SLC7A7: variants seen among roughly 807,000 people sequenced by gnomAD.
SLC7A7 encodes the protein Y+L amino acid transporter 1.
SLC7A7 carries 39 observed loss-of-function variants against 47.9 expected under a neutral mutation model. The observed-to-expected ratio is 0.81, with a 90% CI of 0.63 to 1.06. The LOEUF is 1.06. Ranked by LOEUF, SLC7A7 falls within the 50% of genes least tolerant of loss-of-function variation. SLC7A7 has a pLI of 0.00. For synonymous variants in SLC7A7, 234 were observed against 242.8 expected (o/e 0.96, Z 0.34); for missense variants, 588 against 632.0 (o/e 0.93, Z 0.75).
At chr14:22,801,869 C>T (rs920210829) in intron 2 of SLC7A7, among the ~76,000 whole-genome samples, 5 of 152,240 alleles carry the variant, frequency 3.3e-5, no homozygotes, top group African/African-American at 1.2e-4. Flanking sequence ...CACGCACACA[C>T]ATAAAGTGCT....
chr14:22,780,232 A>C lies in SLC7A7; in HGVS notation c.500-181T>G, dbSNP rs1388464825. The C allele has an allele frequency of 4.6e-6, 3 of 649,286 alleles. No individual in the cohort carries two copies. The East Asian group carries it at 8.6e-5, about 19-fold the overall frequency. 40.2% of individuals were successfully genotyped at this position (649,286 alleles called of 1,614,324 possible). A position where few individuals can be genotyped will look rare whatever the true frequency, so the allele number is the denominator to read the frequency against. Reference sequence around the variant, plus strand: ...CAGAATGTCCTCACCATTATCATACAAAGGCCTCTATACTCCCCACCCCCA... The same window carrying C: ...CAGAATGTCCTCACCATTATCATACCAAGGCCTCTATACTCCCCACCCCCA... On this transcript the variant is annotated intron_variant, in intron 2 of 9. Transcript: ENST00000674313.
rs747684532 is a variant in SLC7A7, at chr14:22,795,390, C to CTT, written c.500-15341_500-15340dup. Among the ~76,000 whole-genome samples, 43 of 40,472 alleles carry CTT rather than the reference C, an allele frequency of 1.1e-3. 3 individuals carry two copies. The highest frequency in any genetic ancestry group is 3.8e-3 in the South Asian group (4 of 1,042). The allele number at this position is 40,472 out of a possible 152,430, so 26.6% of individuals were successfully genotyped here. On this transcript the variant is annotated intron_variant, in intron 2 of 9. Transcript: ENST00000674313. Reference sequence around the variant, plus strand: ...AATCTGAGTATTGCTTGCTTGCTTTCTTTCTTTCTTTCTTTCTTTCTTTCT... The same window carrying CTT: ...AATCTGAGTATTGCTTGCTTGCTTTCTTTTTCTTTCTTTCTTTCTTTCTTTCT...
rs1445047286 is a variant in SLC7A7 at position 22,795,404 on chromosome 14, TTCTTTCTTTCTTTC to T, written c.500-15367_500-15354del. Reference sequence around the variant, plus strand: ...TTGCTTGCTTTCTTTCTTTCTTTCTTTCTTTCTTTCTTTCTTTCTTTCTTTCTTTCTTTCTTTCT... The same window carrying T: ...TTGCTTGCTTTCTTTCTTTCTTTCTTTTTCTTTCTTTCTTTCTTTCTTTCT... On this transcript the variant is annotated intron_variant, in intron 2 of 9. Transcript: ENST00000674313. 1.0e-4 allele frequency among the ~76,000 whole-genome samples: 10 copies of T among 96,472 alleles called. 1 individual carries two copies. The highest frequency in any genetic ancestry group is 5.3e-4 in the African/African-American group (10 of 18,838). The allele number at this position is 96,472 out of a possible 152,430, so 63.3% of individuals were successfully genotyped here.
At chr14:22,788,503 G>A (rs959497756) in intron 2 of SLC7A7, among the ~76,000 whole-genome samples, 2 of 151,702 alleles carry the variant, frequency 1.3e-5, no homozygotes, top group Admixed American at 6.6e-5. Context: ...AGGAGTTTGA[G>A]ATCAGCCTGG....
chr14:22,819,401 A>C (rs1388343628), upstream of SLC7A7, among the ~76,000 whole-genome samples: 1 of 136,288 alleles, frequency 7.3e-6, no homozygotes, highest in Admixed American at 7.5e-5. Context: ...TGGCTAAGAC[A>C]GTCTCTTTAA....
chr14:22,813,495 C>T (rs1428500690), intron 1 of SLC7A7, 55 bp from the exon 2 acceptor site: 3 of 1,433,278 alleles, frequency 2.1e-6, no homozygotes, highest in African/African-American at 2.8e-5. Context: ...TACATAGAAC[C>T]TCTACCCGCC....
rs373996131 is a variant in SLC7A7 at position 22,775,966 on chromosome 14, C to T, written c.895-30G>A. 2.9e-5 allele frequency: 45 copies of T among 1,570,922 alleles called. No individual in the cohort carries two copies. The African/African-American group carries it at 5.4e-4, about 19-fold the overall frequency. On this transcript the variant is annotated intron_variant, in intron 5 of 9. Transcript: ENST00000674313. ...GGGAAAAGAATGGAAGAGTCATTAG[C>T]AGGATCTAAAAGGGATGAAAGACAT...
Position 22,776,294 on chromosome 14 carries a change from G to A in SLC7A7, c.795C>T (p.Ile265=), listed in dbSNP as rs777140678. The change falls in exon 5 of 10, where the codon ATC becomes ATT. Residue 265 remains isoleucine (I), a synonymous_variant. Coordinates refer to ENST00000674313, the MANE Select transcript of SLC7A7 (RefSeq NM_003982.4). ...AGATGATGGTGACAATGGGCATGGA[G>A]ATGCCAATGGAGAGGGGCAGGTTCC... ...PERNLPLSIG[I]SMPIVTIIYI... is the part of the protein sequence containing the mutation. 3 of 1,614,082 alleles carry A rather than the reference G, an allele frequency of 1.9e-6. No individual in the cohort carries two copies. The highest frequency in any genetic ancestry group is 3.3e-5 in the Admixed American group (2 of 60,004).
chr14:22,779,105 G>A (rs1214257569), intron 3 of SLC7A7, among the ~76,000 whole-genome samples, 168 bp from the exon 4 acceptor site: 2 of 152,190 alleles, frequency 1.3e-5, no homozygotes, highest in South Asian at 2.1e-4. Context: ...GAAGAGAGAC[G>A]TCTATAGAGA....
intron 2 of SLC7A7, among the ~76,000 whole-genome samples, chr14:22,801,384 G>A (rs1594972166): frequency 6.6e-6 from 1 of 152,200 alleles, no homozygotes; most frequent in East Asian, 1.9e-4. Context: ...TCAGGTATCA[G>A]CTCAAACTTC....
chr14:22,795,474 T>A (rs200923616), intron 2 of SLC7A7, among the ~76,000 whole-genome samples: 1 of 39,122 alleles, frequency 2.6e-5, no homozygotes, highest in African/African-American at 7.8e-5. Flanking sequence ...TTTCTTTTCT[T>A]TTCTTTTCTT....
chr14:22,784,394 C>T (rs2038775805), intron 2 of SLC7A7, among the ~76,000 whole-genome samples: 1 of 152,126 alleles, frequency 6.6e-6, no homozygotes, highest in Non-Finnish European at 1.5e-5. Context: ...CCGAGGTGGA[C>T]AGATCACGAG....
At chr14:22,788,136 C>T (rs979990280) in intron 2 of SLC7A7, among the ~76,000 whole-genome samples, 2 of 152,124 alleles carry the variant, frequency 1.3e-5, no homozygotes, top group African/African-American at 4.8e-5. Context: ...CACTGTAGAC[C>T]TTTCTGTATT....
intron 5 of SLC7A7, 102 bp downstream of exon 5, chr14:22,776,090 ACTC>A: frequency 6.5e-7 from 1 of 1,528,168 alleles, no homozygotes; most frequent in Non-Finnish European, 9.1e-7. Context: ...TTCTAAATGA[ACTC>A]CTTTCAAGGC....
At chr14:22,802,125 A>G (rs2139438090) in intron 2 of SLC7A7, among the ~76,000 whole-genome samples, 1 of 152,308 alleles carries the variant, frequency 6.6e-6, no homozygotes. Flanking sequence ...AGGGCCGGGC[A>G]CGGTAGGTGG....
intron 2 of SLC7A7, among the ~76,000 whole-genome samples, chr14:22,806,410 T>C (rs1391940883): frequency 6.6e-6 from 1 of 151,726 alleles, no homozygotes; most frequent in African/African-American, 2.4e-5. Context: ...TCGACCTCTT[T>C]TTTTAGGTAA....
At chr14:22,801,172 G>A (rs1315519351) in intron 2 of SLC7A7, among the ~76,000 whole-genome samples, 2 of 152,094 alleles carry the variant, frequency 1.3e-5, no homozygotes, top group Non-Finnish European at 2.9e-5. Flanking sequence ...AGCTTATAAA[G>A]CTTTGAACAA....
chr14:22,785,017 G>A (rs1241184555), intron 2 of SLC7A7, among the ~76,000 whole-genome samples: 1 of 152,036 alleles, frequency 6.6e-6, no homozygotes, highest in African/African-American at 2.4e-5. Context: ...GGTGGTTCGC[G>A]CCTGTAATCC....
intron 2 of SLC7A7, among the ~76,000 whole-genome samples, chr14:22,795,381 GCTTGCTTTCTTTCTTTCTTTCTTT>G (rs1250334566): frequency 3.9e-4 from 2 of 5,104 alleles, no homozygotes; most frequent in African/African-American, 4.2e-4. Flanking sequence ...AGTATTGCTT[GCTTGCTTTCTTTCTTTCTTTCTTT>G]CTTTCTTTCT....
Sources: allele counts gnomAD v4.1 joint callset (sites outside exome capture counted in the v4.1 genomes callset), GRCh38; gene constraint gnomAD v4.1.1; transcripts MANE v1.5; gene names NCBI Gene and HGNC (gene_info 2026-07-23, HGNC 2026-07-21).